The following CNKSR3 variants were observed in gnomAD, a reference collection of about 807,000 sequenced individuals.
CNKSR3 encodes the protein connector enhancer of kinase suppressor of ras 3.
Under a neutral mutation model 67.7 loss-of-function variants are expected in CNKSR3, and 36 were observed. The observed-to-expected ratio is 0.53, with a 90% CI of 0.41 to 0.70. CNKSR3 has a LOEUF of 0.70. Ranked by LOEUF, CNKSR3 falls within the 30% of genes least tolerant of loss-of-function variation. The pLI, the probability that CNKSR3 is intolerant of heterozygous loss-of-function variation, is 0.00. For missense variants in CNKSR3, 630 were observed against 695.2 expected (o/e 0.91, Z 1.05); for synonymous variants, 281 against 271.4 (o/e 1.04, Z -0.35).
chr6:154,396,800 T>C lies in CNKSR3; in HGVS notation c.*9554A>G, dbSNP rs1028566796. 1 of 146,590 alleles carries C rather than the reference T, an allele frequency of 6.8e-6. No homozygotes were observed. Among genetic ancestry groups the C allele is most frequent in the Admixed American group, 6.8e-5 (1 of 14,620 alleles). 9.1% of individuals were successfully genotyped at this position (146,590 alleles called of 1,614,324 possible). On this transcript the variant is annotated 3_prime_UTR_variant, in exon 13 of 13. Coordinates refer to ENST00000607772, the MANE Select transcript of CNKSR3 (RefSeq NM_173515.4). ...ATCAGCAAAAATTCACTAATTGTTT[T>C]CTTTTTTTTTTTTTTTTGAGACGGA...
chr6:154,448,690 C>A (rs983236902), intron 2 of CNKSR3, among the ~76,000 whole-genome samples: 3 of 152,174 alleles, frequency 2.0e-5, no homozygotes, highest in African/African-American at 7.2e-5. Context: ...GGCGGCAGCT[C>A]ATTTATCAAC....
In CNKSR3 at chr6:154,394,308, T is replaced by C. The variant is rs964733167; in HGVS notation, c.*12046A>G. On this transcript the variant is annotated 3_prime_UTR_variant, in exon 13 of 13. Transcript: ENST00000607772. ...GTTTCTGACTGTTAGCCACCACACATGGCCTTATTATTGTCACTTCTAGGC... is the reference window on the plus strand; with the variant it reads ...GTTTCTGACTGTTAGCCACCACACACGGCCTTATTATTGTCACTTCTAGGC... 2.0e-5 allele frequency: 3 copies of C among 152,234 alleles called. No individual in the cohort carries two copies. The highest frequency in any genetic ancestry group is 2.9e-5 in the Non-Finnish European group (2 of 68,044). 9.4% of individuals were successfully genotyped at this position (152,234 alleles called of 1,614,324 possible). A position where few individuals can be genotyped will look rare whatever the true frequency, so the allele number is the denominator to read the frequency against.
chr6:154,502,211 G>A (rs1787012117), intron 1 of CNKSR3, among the ~76,000 whole-genome samples: 1 of 146,054 alleles, frequency 6.8e-6, no homozygotes, highest in African/African-American at 2.5e-5. Flanking sequence ...TTTTTTTTGA[G>A]ATGGAGTTTT....
At chr6:154,468,070 T>C (rs1360326755) in intron 1 of CNKSR3, among the ~76,000 whole-genome samples, 4 of 67,728 alleles carry the variant, frequency 5.9e-5, no homozygotes, top group Non-Finnish European at 1.5e-4. Context: ...TTTTTTTTTT[T>C]CTTTTTTTTC....
At chr6:154,430,189 TGTAA>T (rs935123193) in intron 6 of CNKSR3, among the ~76,000 whole-genome samples, 4 of 152,202 alleles carry the variant, frequency 2.6e-5, no homozygotes, top group Non-Finnish European at 4.4e-5. Flanking sequence ...CTTTCCTTTG[TGTAA>T]GTGTTTTATA....
At chr6:154,461,013 C>CA (rs1355135114) in intron 1 of CNKSR3, among the ~76,000 whole-genome samples, 1 of 152,176 alleles carries the variant, frequency 6.6e-6, no homozygotes, top group East Asian at 1.9e-4. Flanking sequence ...CCAACACTGC[C>CA]ATCATCATTT....
At chr6:154,488,224 G>A (rs1786717646) in intron 1 of CNKSR3, among the ~76,000 whole-genome samples, 1 of 152,140 alleles carries the variant, frequency 6.6e-6, no homozygotes, top group Non-Finnish European at 1.5e-5. Context: ...CACAAAATTG[G>A]TGTGAGATCT....
chr6:154,425,873 T>G (rs1181602922), intron 7 of CNKSR3, among the ~76,000 whole-genome samples: 1 of 152,182 alleles, frequency 6.6e-6, no homozygotes, highest in Admixed American at 6.5e-5. Flanking sequence ...GACAGTGAAG[T>G]CATAGCAACC....
At chr6:154,500,620 T>C (rs1786977197) in intron 1 of CNKSR3, among the ~76,000 whole-genome samples, 1 of 152,214 alleles carries the variant, frequency 6.6e-6, no homozygotes, top group Non-Finnish European at 1.5e-5. Context: ...GCCCAGCTCT[T>C]GTTGAAAATT....
intron 9 of CNKSR3, among the ~76,000 whole-genome samples, chr6:154,419,871 G>A (rs2128713370): frequency 6.6e-6 from 1 of 152,212 alleles, no homozygotes; most frequent in East Asian, 1.9e-4. Context: ...CCTGAGGTCA[G>A]GAGTTTGAGA....
At chr6:154,463,064 G>A (rs968259880) in intron 1 of CNKSR3, among the ~76,000 whole-genome samples, 5 of 151,780 alleles carry the variant, frequency 3.3e-5, no homozygotes, top group East Asian at 1.9e-4. Context: ...TATTCTTTCC[G>A]GTGAACCTGT....
chr6:154,499,290 G>T (rs1378726253), intron 1 of CNKSR3, among the ~76,000 whole-genome samples: 1 of 152,222 alleles, frequency 6.6e-6, no homozygotes, highest in Non-Finnish European at 1.5e-5. Flanking sequence ...TTATGAGGAA[G>T]AGTCTGGCTT....
rs1032789008 is a variant in CNKSR3 at position 154,395,556 on chromosome 6, G to T, written c.*10798C>A. The stretch of plus-strand genomic sequence containing the variant: ...CATCACAGACTCAGATGAGCCCTAT[G>T]TAGCAATATGCAAAGGACATTACTT... On this transcript the variant is annotated 3_prime_UTR_variant, in exon 13 of 13. Coordinates refer to ENST00000607772, the MANE Select transcript of CNKSR3 (RefSeq NM_173515.4). 3 of 152,176 alleles carry T rather than the reference G, an allele frequency of 2.0e-5. No individual in the cohort carries two copies. The highest frequency in any genetic ancestry group is 2.9e-5 in the Non-Finnish European group (2 of 68,040). 9.4% of individuals were successfully genotyped at this position (152,176 alleles called of 1,614,324 possible). A position where few individuals can be genotyped will look rare whatever the true frequency, so the allele number is the denominator to read the frequency against.
chr6:154,425,427 C>T (rs1266531446), intron 7 of CNKSR3, among the ~76,000 whole-genome samples: 2 of 152,156 alleles, frequency 1.3e-5, no homozygotes, highest in Non-Finnish European at 2.9e-5. Context: ...GAGCTTGGTA[C>T]CAAAATTCTG....
chr6:154,419,621 C>T (rs1785096178), intron 9 of CNKSR3, among the ~76,000 whole-genome samples: 3 of 152,290 alleles, frequency 2.0e-5, no homozygotes, highest in South Asian at 4.2e-4. Context: ...AGCAGCCTCA[C>T]TACTGGATAC....
intron 1 of CNKSR3, among the ~76,000 whole-genome samples, chr6:154,456,707 CAAAAAAAA>C (rs10536163): frequency 0.041 from 1,861 of 45,460 alleles, 37 homozygotes; most frequent in African/African-American, 0.091. Flanking sequence ...AACTCTGTCT[CAAAAAAAA>C]AAAAAAAAAA....
intron 5 of CNKSR3, 127 bp downstream of exon 5, chr6:154,433,339 C>G: frequency 1.4e-6 from 1 of 699,846 alleles, no homozygotes; most frequent in Non-Finnish European, 2.5e-6. Flanking sequence ...AATTTAAAAA[C>G]TCATGTCCCA....
intron 5 of CNKSR3, among the ~76,000 whole-genome samples, chr6:154,431,029 TA>T (rs1343598284): frequency 0.027 from 3,875 of 146,204 alleles, 85 homozygotes; most frequent in Non-Finnish European, 0.043. Flanking sequence ...TTCACGTTTA[TA>T]AAAAAAAAAA....
At chr6:154,498,868 T>C (rs1188568869) in intron 1 of CNKSR3, among the ~76,000 whole-genome samples, 5 of 152,220 alleles carry the variant, frequency 3.3e-5, no homozygotes, top group African/African-American at 1.2e-4. Flanking sequence ...ACTTCTCATC[T>C]CCATGCTTTG....
Sources: gnomAD v4.1 joint callset for allele counts (sites outside exome capture counted in the v4.1 genomes callset) on GRCh38, gnomAD v4.1.1 for gene constraint, MANE v1.5 for transcripts, NCBI Gene and HGNC (gene_info 2026-07-23, HGNC 2026-07-21) for gene names.